CCDC91: variants seen among roughly 807,000 people sequenced by gnomAD.
CCDC91 encodes coiled-coil domain containing 91, also known as coiled-coil domain-containing protein 91.
In CCDC91, 48 loss-of-function variants were observed where a neutral mutation model predicts 63.2. That is an observed-to-expected ratio of 0.76 (90% CI 0.60 to 0.97). The LOEUF is 0.97. Ranked by LOEUF, CCDC91 falls within the 50% of genes least tolerant of loss-of-function variation. The pLI is 0.00. For missense variants in CCDC91, 500 were observed against 494.6 expected (o/e 1.01, Z -0.10); for synonymous variants, 167 against 165.8 (o/e 1.01, Z -0.06).
intron 7 of CCDC91, among the ~76,000 whole-genome samples, chr12:28,377,965 GCTTTA>G (rs1272647604): frequency 2.6e-5 from 4 of 151,894 alleles, no homozygotes; most frequent in African/African-American, 9.7e-5. Flanking sequence ...GTTTTCTAAA[GCTTTA>G]CTTAGATCAT....
At chr12:28,274,632 GCT>G (rs1161540715) in intron 3 of CCDC91, among the ~76,000 whole-genome samples, 3 of 151,918 alleles carry the variant, frequency 2.0e-5, no homozygotes, top group South Asian at 2.1e-4. Flanking sequence ...TCATGATTTG[GCT>G]CTCTGTTTGT....
chr12:28,291,731 A>AGG (rs1949262970), intron 3 of CCDC91, among the ~76,000 whole-genome samples: 1 of 152,198 alleles, frequency 6.6e-6, no homozygotes, highest in Non-Finnish European at 1.5e-5. Flanking sequence ...ACACTTCAAA[A>AGG]TGATGATTTT....
intron 11 of CCDC91, among the ~76,000 whole-genome samples, chr12:28,468,617 A>G (rs984498900): frequency 1.3e-5 from 2 of 152,036 alleles, no homozygotes; most frequent in African/African-American, 4.8e-5. Context: ...CCCAATATCA[A>G]AACCAAACAA....
At chr12:28,276,672 T>C (rs1425819688) in intron 3 of CCDC91, among the ~76,000 whole-genome samples, 6 of 151,978 alleles carry the variant, frequency 3.9e-5, no homozygotes, top group Non-Finnish European at 7.4e-5. Context: ...ATGATTTTTT[T>C]CATTTTCATA....
chr12:28,232,833 T>C (rs1944685398), intron 1 of CCDC91, among the ~76,000 whole-genome samples: 1 of 152,102 alleles, frequency 6.6e-6, no homozygotes, highest in South Asian at 2.1e-4. Context: ...ACTCAAAAAT[T>C]AGCTGGGCGT....
At chr12:28,337,644 T>C (rs1942089799) in intron 6 of CCDC91, among the ~76,000 whole-genome samples, 3 of 152,100 alleles carry the variant, frequency 2.0e-5, no homozygotes, top group Admixed American at 2.0e-4. Context: ...TTGTCAGTGC[T>C]TATCTCATAC....
intron 3 of CCDC91, among the ~76,000 whole-genome samples, chr12:28,274,494 G>A (rs1287405410): frequency 6.6e-6 from 1 of 152,088 alleles, no homozygotes; most frequent in African/African-American, 2.4e-5. Flanking sequence ...TCTTCCATTT[G>A]TTTGTATCCT....
At chr12:28,278,368 GA>G (rs1381049477) in intron 3 of CCDC91, among the ~76,000 whole-genome samples, 1 of 151,884 alleles carries the variant, frequency 6.6e-6, no homozygotes, top group East Asian at 1.9e-4. Context: ...TCACTTCGAT[GA>G]AATCTTTTAA....
chr12:28,400,799 CTT>C lies in CCDC91; in HGVS notation c.762+9390_762+9391del, dbSNP rs765296281. On this transcript the variant is annotated intron_variant, in intron 8 of 12. Coordinates refer to ENST00000536442, the MANE Select transcript of CCDC91 (RefSeq NM_018318.5). ...GGCAGGGACAAAATGCCGCCAGTCT[CTT>C]TGCATAGCAAGAGTGACCTTTGCCC... is the stretch of plus-strand genomic sequence containing the variant. 2.8e-4 allele frequency among the ~76,000 whole-genome samples: 42 copies of C among 152,304 alleles called. 1 individual carries two copies. The highest frequency in any genetic ancestry group is 3.4e-3 in the Middle Eastern group (1 of 294).
intron 12 of CCDC91, among the ~76,000 whole-genome samples, chr12:28,500,903 C>G (rs559309656): frequency 1.3e-5 from 2 of 151,728 alleles, no homozygotes; most frequent in African/African-American, 4.8e-5. Flanking sequence ...TATGATCTGG[C>G]AAATCTTTCA....
At chr12:28,504,200 A>G (rs10843188) in intron 12 of CCDC91, among the ~76,000 whole-genome samples, 48,346 of 151,536 alleles carry the variant, frequency 0.32, 8,227 homozygotes, top group African/African-American at 0.4. Flanking sequence ...ATTTAATGAA[A>G]TTTGTAATCA....
At chr12:28,478,017 G>A (rs1267134304) in intron 11 of CCDC91, among the ~76,000 whole-genome samples, 3 of 152,204 alleles carry the variant, frequency 2.0e-5, no homozygotes, top group Non-Finnish European at 2.9e-5. Flanking sequence ...AATCAATATC[G>A]TGAAAATGGC....
At chr12:28,548,713 T>C (rs1482069118) in intron 12 of CCDC91, among the ~76,000 whole-genome samples, 1 of 152,166 alleles carries the variant, frequency 6.6e-6, no homozygotes, top group East Asian at 1.9e-4. Context: ...CTTATTTTGT[T>C]ACTTGTATCT....
chr12:28,392,060 T>C (rs564568623), intron 8 of CCDC91, among the ~76,000 whole-genome samples: 76 of 151,406 alleles, frequency 5.0e-4, no homozygotes, highest in African/African-American at 1.8e-3. Context: ...GAAATAAAAT[T>C]AGGAGTAGAA....
intron 3 of CCDC91, among the ~76,000 whole-genome samples, chr12:28,276,734 A>T (rs1948255128): frequency 6.6e-6 from 1 of 151,930 alleles, no homozygotes; most frequent in Non-Finnish European, 1.5e-5. Context: ...AACTGGTCAA[A>T]TTTACTTTAG....
At chr12:28,528,542 T>C (rs1027614845) in intron 12 of CCDC91, among the ~76,000 whole-genome samples, 2 of 152,240 alleles carry the variant, frequency 1.3e-5, no homozygotes, top group East Asian at 1.9e-4. Flanking sequence ...TCTCTTGGCT[T>C]TCCTAACGTT....
chr12:28,376,344 T>C (rs1037284749), intron 7 of CCDC91, among the ~76,000 whole-genome samples: 4 of 151,784 alleles, frequency 2.6e-5, no homozygotes, highest in Non-Finnish European at 5.9e-5. Flanking sequence ...TTTTTTTCCA[T>C]ATAAGAAAGA....
chr12:28,527,632 A>G lies in CCDC91; in HGVS notation c.1216-21431A>G, dbSNP rs376537340. ...ATCAGCTATGGGAGTATGGGGGGGG[A>G]ACATTTGGTAGGTGGGGCCCCATAA... On this transcript the variant is annotated intron_variant, in intron 12 of 12. Transcript: ENST00000536442. 9.4e-5 allele frequency among the ~76,000 whole-genome samples: 14 copies of G among 149,474 alleles called. No individual in the cohort carries two copies. The South Asian group carries it at 1.1e-3, about 11-fold the overall frequency.
intron 6 of CCDC91, among the ~76,000 whole-genome samples, chr12:28,354,096 T>TA (rs1220046339): frequency 6.6e-6 from 1 of 152,156 alleles, no homozygotes; most frequent in Non-Finnish European, 1.5e-5. Context: ...TATAATGAAG[T>TA]ACAGTAAAAT....
Sources: gnomAD v4.1 joint callset for allele counts (sites outside exome capture counted in the v4.1 genomes callset) on GRCh38, gnomAD v4.1.1 for gene constraint, MANE v1.5 for transcripts, NCBI Gene and HGNC (gene_info 2026-07-23, HGNC 2026-07-21) for gene names.